Variants in PDE4D observed in about 807,000 individuals in gnomAD.
PDE4D encodes the protein phosphodiesterase 4D, also known as 3',5'-cyclic-AMP phosphodiesterase 4D.
PDE4D carries 24 observed loss-of-function variants against 87.4 expected under a neutral mutation model. That is an observed-to-expected ratio of 0.27 (90% CI 0.20 to 0.39). PDE4D has a LOEUF of 0.39. Ranked by LOEUF, PDE4D falls within the 10% of genes least tolerant of loss-of-function variation. The pLI is 1.00. For synonymous variants in PDE4D, 384 were observed against 383.2 expected (o/e 1.00, Z -0.02); for missense variants, 714 against 1,041.0 (o/e 0.69, Z 4.32).
intron 3 of PDE4D, among the ~76,000 whole-genome samples, chr5:59,910,412 C>T (rs1753317506): frequency 6.6e-6 from 1 of 152,178 alleles, no homozygotes; most frequent in Non-Finnish European, 1.5e-5. Context: ...TTAACAAAAA[C>T]AGATTTTCTT....
At chr5:59,457,920 G>A (rs1345758418) in intron 1 of PDE4D, among the ~76,000 whole-genome samples, 2 of 151,888 alleles carry the variant, frequency 1.3e-5, no homozygotes. Context: ...AGAAAAGAAA[G>A]AAAGAAAAAC....
At chr5:59,790,385 C>T (rs1291681100) in intron 1 of PDE4D, among the ~76,000 whole-genome samples, 1 of 152,136 alleles carries the variant, frequency 6.6e-6, no homozygotes, top group Non-Finnish European at 1.5e-5. Context: ...CAAAATATTT[C>T]GGGCTTCATG....
intron 1 of PDE4D, among the ~76,000 whole-genome samples, chr5:59,618,423 G>C (rs934497468): frequency 2.0e-5 from 3 of 152,152 alleles, no homozygotes; most frequent in African/African-American, 7.2e-5. Context: ...GATGAAAACT[G>C]TGTGCAGAAT....
intron 1 of PDE4D, among the ~76,000 whole-genome samples, chr5:59,664,444 T>TG (rs1745740122): frequency 6.6e-6 from 1 of 152,248 alleles, no homozygotes; most frequent in Admixed American, 6.5e-5. Flanking sequence ...CTTTCATATA[T>TG]ATTATTTCAT....
At chr5:59,609,778 T>C (rs1286108875) in intron 1 of PDE4D, among the ~76,000 whole-genome samples, 4 of 152,154 alleles carry the variant, frequency 2.6e-5, no homozygotes, top group Non-Finnish European at 4.4e-5. Context: ...AGGAATCTGG[T>C]ATGAATAACC....
chr5:59,745,651 A>C (rs1759498552), intron 1 of PDE4D, among the ~76,000 whole-genome samples: 1 of 152,134 alleles, frequency 6.6e-6, no homozygotes, highest in Non-Finnish European at 1.5e-5. Flanking sequence ...ACGCACCAGG[A>C]GCATTTCTTG....
chr5:59,426,998 T>TACACACACACACACAC (rs3061709), intron 1 of PDE4D, among the ~76,000 whole-genome samples: 1 of 125,144 alleles, frequency 8.0e-6, no homozygotes, highest in Non-Finnish European at 1.7e-5. Flanking sequence ...CTTGAAGCTA[T>TACACACACACACACAC]ACACACACAC....
At chr5:60,151,990 G>T (rs1241207828) in intron 2 of PDE4D, among the ~76,000 whole-genome samples, 2 of 152,110 alleles carry the variant, frequency 1.3e-5, no homozygotes, top group African/African-American at 2.4e-5. Context: ...TTATTAAGAT[G>T]CATCTATTAA....
At chr5:59,947,532 A>G (rs960233805) in intron 3 of PDE4D, among the ~76,000 whole-genome samples, 2 of 152,206 alleles carry the variant, frequency 1.3e-5, no homozygotes, top group Non-Finnish European at 2.9e-5. Flanking sequence ...CCTTGTCTAG[A>G]TGTTTAGTTC....
chr5:60,135,944 A>C (rs1207977481), intron 2 of PDE4D, among the ~76,000 whole-genome samples: 4 of 152,148 alleles, frequency 2.6e-5, no homozygotes, highest in Non-Finnish European at 4.4e-5. Context: ...TCTCATAATA[A>C]TCATTAATGT....
At chr5:59,508,112 G>GT (rs1243915336) in intron 1 of PDE4D, among the ~76,000 whole-genome samples, 25 of 152,116 alleles carry the variant, frequency 1.6e-4, no homozygotes, top group Admixed American at 1.4e-3. Context: ...TGCTTTGTTT[G>GT]TTTTTTTGTT....
intron 6 of PDE4D, chr5:58,999,585 C>A (rs768887919): frequency 8.3e-7 from 1 of 1,206,386 alleles, no homozygotes; most frequent in South Asian, 2.8e-5. Context: ...ATATAGTAAG[C>A]TCTAAAATGT....
intron 1 of PDE4D, among the ~76,000 whole-genome samples, chr5:59,892,154 G>A (rs1751046342): frequency 6.6e-6 from 1 of 152,124 alleles, no homozygotes; most frequent in Non-Finnish European, 1.5e-5. Flanking sequence ...ATCAGGAAAG[G>A]GACCAAACGT....
rs181521599 is a variant in PDE4D at position 60,141,054 on chromosome 5, T to C, written c.42+44503A>G. Among the ~76,000 whole-genome samples, 657 of 152,314 alleles carry C rather than the reference T, an allele frequency of 4.3e-3. 2 individuals carry two copies. Among genetic ancestry groups the C allele is most frequent in the Admixed American group, 7.3e-3 (111 of 15,290 alleles). On this transcript the variant is annotated intron_variant, in intron 2 of 16. Transcript: ENST00000502484. ...ATTATAATTATCAGCTCTTTTTTCG[T>C]GGAGTTCATAGATTCTCATCGTGTG...
At chr5:59,106,776 C>A (rs1409497854) in intron 5 of PDE4D, among the ~76,000 whole-genome samples, 4 of 152,024 alleles carry the variant, frequency 2.6e-5, no homozygotes, top group Non-Finnish European at 5.9e-5. Flanking sequence ...CAACAACAAC[C>A]AAAAAACACC....
intron 1 of PDE4D, among the ~76,000 whole-genome samples, chr5:60,362,583 C>T (rs1049586460): frequency 1.3e-5 from 2 of 152,132 alleles, no homozygotes; most frequent in African/African-American, 2.4e-5. Flanking sequence ...TCTGGCTAGG[C>T]ACAGTGGCTC....
At chr5:59,120,319 C>A (rs930843626) in intron 5 of PDE4D, among the ~76,000 whole-genome samples, 1 of 152,026 alleles carries the variant, frequency 6.6e-6, no homozygotes, top group Admixed American at 6.5e-5. Context: ...TTGATCTATC[C>A]CACAGCATAT....
At chr5:60,499,614 G>A (rs1387652980) in intron 1 of PDE4D, among the ~76,000 whole-genome samples, 1 of 152,054 alleles carries the variant, frequency 6.6e-6, no homozygotes, top group African/African-American at 2.4e-5. Context: ...TCCAAAACTT[G>A]GTGCTTATTT....
intron 1 of PDE4D, among the ~76,000 whole-genome samples, chr5:60,438,448 C>T (rs1744932903): frequency 6.6e-6 from 1 of 152,012 alleles, no homozygotes; most frequent in African/African-American, 2.4e-5. Flanking sequence ...GTATGCTTCC[C>T]CCTTTAAAAT....
Sources: allele counts gnomAD v4.1 joint callset (sites outside exome capture counted in the v4.1 genomes callset), GRCh38; gene constraint gnomAD v4.1.1; transcripts MANE v1.5; gene names NCBI Gene and HGNC (gene_info 2026-07-23, HGNC 2026-07-21).